The following NALCN variants were observed in gnomAD, a reference collection of about 807,000 sequenced individuals.
NALCN encodes the protein sodium leak channel NALCN.
NALCN carries 111 observed loss-of-function variants against 225.3 expected under a neutral mutation model. That is an observed-to-expected ratio of 0.49 (90% CI 0.42 to 0.58). The LOEUF is 0.58. NALCN is among the 20% of genes least tolerant of loss of function. The probability of loss-of-function intolerance (pLI) is 0.00; values close to 1 mark genes in which losing one functional copy is unlikely to be tolerated. For missense variants in NALCN, 1,378 were observed against 2,202.4 expected, an observed-to-expected ratio of 0.63 and a Z score of 7.49; for synonymous variants, 764 against 769.0, an observed-to-expected ratio of 0.99 and a Z score of 0.11.
intron 6 of NALCN, among the ~76,000 whole-genome samples, chr13:101,375,211 A>G (rs567423949): frequency 1.6e-4 from 25 of 152,304 alleles, no homozygotes; most frequent in African/African-American, 5.3e-4. Context: ...CAAAATAATG[A>G]CAGCTGGCAT....
chr13:101,324,758 A>G (rs2044881866), intron 7 of NALCN, among the ~76,000 whole-genome samples: 1 of 152,008 alleles, frequency 6.6e-6, no homozygotes, highest in South Asian at 2.1e-4. Flanking sequence ...CTAATTGAAT[A>G]CCCTTTATTT....
chr13:101,110,539 A>G, intron 20 of NALCN, 80 bp downstream of exon 20: 2 of 1,456,978 alleles, frequency 1.4e-6, no homozygotes, highest in Non-Finnish European at 1.9e-6. Context: ...GCAGAAAGAC[A>G]CTGGGCATTG....
intron 7 of NALCN, among the ~76,000 whole-genome samples, chr13:101,304,616 C>T (rs2044090435): frequency 6.6e-6 from 1 of 151,954 alleles, no homozygotes; most frequent in Non-Finnish European, 1.5e-5. Context: ...TTTTGTATTT[C>T]TTGTAGAGAC....
intron 7 of NALCN, among the ~76,000 whole-genome samples, chr13:101,343,876 A>T (rs534270139): frequency 6.6e-6 from 1 of 152,316 alleles, no homozygotes; most frequent in African/African-American, 2.4e-5. Flanking sequence ...TGTTGCATTA[A>T]AAACGGTGAG....
intron 11 of NALCN, among the ~76,000 whole-genome samples, chr13:101,252,429 C>G (rs1028572308): frequency 6.6e-6 from 1 of 152,056 alleles, no homozygotes; most frequent in Non-Finnish European, 1.5e-5. Flanking sequence ...GAATCTAGAT[C>G]CTCTTAATAG....
Position 101,261,565 on chromosome 13 carries a change from A to AT in NALCN, c.1135-2992dup, listed in dbSNP as rs1337293377. The stretch of plus-strand genomic sequence containing the variant: ...TAGTGTTCATTATGGAGATCCTTCA[A>AT]TTTTTTGGTTAATTGCAAGGAATTT... On this transcript the variant is annotated intron_variant, in intron 10 of 43. Transcript: ENST00000251127. Among the ~76,000 whole-genome samples the AT allele has an allele frequency of 2.0e-5, 3 of 151,988 alleles. No homozygotes were observed. The East Asian group carries it at 5.8e-4, about 29-fold the overall frequency.
At position 101,242,724 on chromosome 13, in the gene NALCN, TTAAAG is replaced by T. The variant is rs1393573474; in HGVS notation, c.1267-4807_1267-4803del. 4.7e-5 allele frequency among the ~76,000 whole-genome samples: 5 copies of T among 106,896 alleles called. 2 individuals are homozygous for T. Among genetic ancestry groups the T allele is most frequent in the Admixed American group, 1.8e-4 (2 of 11,356 alleles). 70.1% of individuals were successfully genotyped at this position (106,896 alleles called of 152,430 possible). On this transcript the variant is annotated intron_variant, in intron 11 of 43. Transcript: ENST00000251127. ...TTACTTATCTTGTGATTAGCACACT[TTAAAG>T]TAGTTTTCTCAAATAAATACAAAGG...
At chr13:101,361,789 A>T (rs2046259209) in intron 6 of NALCN, among the ~76,000 whole-genome samples, 1 of 152,218 alleles carries the variant, frequency 6.6e-6, no homozygotes, top group Non-Finnish European at 1.5e-5. Context: ...CTTATAACCT[A>T]TAATATTACA....
chr13:101,385,046 G>A (rs1234660102), intron 3 of NALCN, among the ~76,000 whole-genome samples: 1 of 152,126 alleles, frequency 6.6e-6, no homozygotes, highest in East Asian at 1.9e-4. Flanking sequence ...AATCCTCCAT[G>A]CATCTTTACT....
At chr13:101,260,644 T>G (rs2042394168) in intron 10 of NALCN, among the ~76,000 whole-genome samples, 1 of 152,222 alleles carries the variant, frequency 6.6e-6, no homozygotes, top group Admixed American at 6.5e-5. Flanking sequence ...CCTTTTCATA[T>G]GCCTGTTTGT....
At chr13:101,261,036 G>T (rs1025950201) in intron 10 of NALCN, among the ~76,000 whole-genome samples, 10 of 152,148 alleles carry the variant, frequency 6.6e-5, no homozygotes, top group Non-Finnish European at 1.3e-4. Context: ...AATCCATTTT[G>T]ATGTGATTTT....
chr13:101,095,559 T>C lies in NALCN; in HGVS notation c.3269+15A>G. ...ACACACCATTCTTCAGAATATTTTT[T>C]TATGATATACTTACCAAACACGGGG... On this transcript the variant is annotated intron_variant, in intron 28 of 43. Coordinates refer to ENST00000251127, the MANE Select transcript of NALCN (RefSeq NM_052867.4). The C allele has an allele frequency of 6.3e-7, 1 of 1,591,756 alleles. No homozygotes were observed. Among genetic ancestry groups the C allele is most frequent in the South Asian group, 1.1e-5 (1 of 88,788 alleles).
chr13:101,169,793 T>C (rs74117661), intron 15 of NALCN, among the ~76,000 whole-genome samples: 5,243 of 152,290 alleles, frequency 0.034, 313 homozygotes, highest in African/African-American at 0.12. Flanking sequence ...AGTTGCCACG[T>C]CTTTAATATT....
chr13:101,261,103 C>A (rs2042411160), intron 10 of NALCN, among the ~76,000 whole-genome samples: 1 of 152,064 alleles, frequency 6.6e-6, no homozygotes, highest in Non-Finnish European at 1.5e-5. Flanking sequence ...TGTCCAGGAC[C>A]ATTTATTGAA....
At chr13:101,246,163 T>G (rs2140177701) in intron 11 of NALCN, among the ~76,000 whole-genome samples, 1 of 152,300 alleles carries the variant, frequency 6.6e-6, no homozygotes, top group South Asian at 2.1e-4. Context: ...CCTGGACAAC[T>G]TGCAGTCGAG....
intron 11 of NALCN, among the ~76,000 whole-genome samples, chr13:101,238,885 T>C (rs2041659965): frequency 6.6e-6 from 1 of 151,936 alleles, no homozygotes; most frequent in Non-Finnish European, 1.5e-5. Flanking sequence ...ATAATAGTGT[T>C]TTAAGAAATG....
intron 9 of NALCN, among the ~76,000 whole-genome samples, chr13:101,291,049 A>G (rs1488784930): frequency 1.3e-5 from 2 of 152,188 alleles, no homozygotes; most frequent in Non-Finnish European, 2.9e-5. Context: ...CCTCTTTTGT[A>G]ATAACTGCCC....
intron 10 of NALCN, among the ~76,000 whole-genome samples, chr13:101,275,979 G>A (rs1352551221): frequency 1.4e-4 from 20 of 145,778 alleles, no homozygotes; most frequent in Admixed American, 1.2e-3. Flanking sequence ...CAGGAGAATC[G>A]CTTGAACCTG....
At chr13:101,194,323 C>T (rs553616566) in intron 13 of NALCN, among the ~76,000 whole-genome samples, 16 of 152,224 alleles carry the variant, frequency 1.1e-4, no homozygotes, top group East Asian at 1.9e-4. Flanking sequence ...ATTATATTTG[C>T]GAACAAGGCT....
Sources: gnomAD v4.1 joint callset for allele counts (sites outside exome capture counted in the v4.1 genomes callset) on GRCh38, gnomAD v4.1.1 for gene constraint, MANE v1.5 for transcripts, NCBI Gene and HGNC (gene_info 2026-07-23, HGNC 2026-07-21) for gene names.